The following MYO15A variants were observed in gnomAD, a reference collection of about 807,000 sequenced individuals.
The protein encoded by MYO15A is unconventional myosin-XV.
In MYO15A, 308 loss-of-function variants were observed where a neutral mutation model predicts 394.6. The observed-to-expected ratio is 0.78, with a 90% confidence interval of 0.71 to 0.86. The LOEUF is 0.86. MYO15A is among the 40% of genes least tolerant of loss of function. The probability of loss-of-function intolerance (pLI) is 0.00; values close to 1 mark genes in which losing one functional copy is unlikely to be tolerated. For missense variants in MYO15A, 4,606 were observed against 4,799.1 expected (o/e 0.96, Z 1.19); for synonymous variants, 1,957 against 2,003.8 (o/e 0.98, Z 0.62).
chr17:18,130,690 G>A (rs1410009947), intron 7 of MYO15A, 115 bp from the exon 8 acceptor site: 2 of 1,572,492 alleles, frequency 1.3e-6, no homozygotes, highest in South Asian at 2.3e-5. Flanking sequence ...GTTTTTACTA[G>A]TCCCTCCCTG....
At chr17:18,124,326 C>A in intron 2 of MYO15A, 157 bp from the exon 3 acceptor site, 1 of 731,136 alleles carries the variant, frequency 1.4e-6, no homozygotes, top group African/African-American at 1.7e-5. Context: ...GTTCTGGGGG[C>A]CACAGCATTC....
At chr17:18,170,758 C>G (rs2046928383) in intron 62 of MYO15A, among the ~76,000 whole-genome samples, 1 of 152,206 alleles carries the variant, frequency 6.6e-6, no homozygotes, top group Admixed American at 6.5e-5. Context: ...AAAATAATCA[C>G]TGAGTTCTTA....
chr17:18,144,692 C>G (rs778078588), intron 29 of MYO15A, 100 bp downstream of exon 29: 32 of 1,115,184 alleles, frequency 2.9e-5, no homozygotes, highest in Non-Finnish European at 4.3e-5. Flanking sequence ...AAGCCCAACC[C>G]ATGAGCCCCA....
chr17:18,154,826 G>A (rs2046646450), intron 45 of MYO15A, 71 bp downstream of exon 45: 2 of 1,532,854 alleles, frequency 1.3e-6, no homozygotes, highest in African/African-American at 1.4e-5. Flanking sequence ...GTCCCAGAGG[G>A]AGACTGAGGC....
rs1456570334 is a variant in MYO15A at position 18,112,082 on chromosome 17, A to G, written c.-220+3258A>G. On this transcript the variant is annotated intron_variant, in intron 1 of 65. Coordinates refer to ENST00000647165, the MANE Select transcript of MYO15A (RefSeq NM_016239.4). ...GAGGCAGGACTTGGGCAAGCCCGCT[A>G]GAGAATGGTGGCCTCTCAGCCTTTC... Among the ~76,000 whole-genome samples, 117 of 152,218 alleles carry G rather than the reference A, an allele frequency of 7.7e-4. 3 individuals are homozygous for G. The highest frequency in any genetic ancestry group is 1.3e-4 in the Non-Finnish European group (9 of 68,040).
rs752816535 is a variant in MYO15A, at chr17:18,141,116, G to T, written c.5504G>T (p.Arg1835Leu). The T allele has an allele frequency of 2.2e-5, 35 of 1,613,904 alleles. No individual in the cohort carries two copies. The highest frequency in any genetic ancestry group is 2.9e-5 in the Non-Finnish European group (34 of 1,180,032). ...VRIRKEGFPV[R>L]LPFQGFIDRY... ...ATCCGCAAGGAGGGATTTCCAGTGC[G>T]CCTGCCTTTCCAGGGGTTCATCGAC... Residue 1835 changes from arginine (R) to leucine (L), a missense_variant, in exon 22 of 66, where the codon CGC (arginine) becomes CTC (leucine). By Grantham distance (102) the Arg-to-Leu change is moderately radical. Around this residue, in one of 2 missense-constraint regions of MYO15A, gnomAD observed 2,776 missense variants for 3,109.3 expected, o/e 0.89. Transcript: ENST00000647165.
intron 26 of MYO15A, 29 bp from the exon 27 acceptor site, chr17:18,143,686 T>C (rs1482607477): frequency 6.3e-7 from 1 of 1,576,024 alleles, no homozygotes; most frequent in Non-Finnish European, 8.6e-7. Context: ...GTGGCAGGCC[T>C]GTCCCTGTCC....
In MYO15A at chr17:18,161,002, C is replaced by T. The variant is rs62073603; in HGVS notation, c.9387-315C>T. The T allele has an allele frequency of 0.18, 84,721 of 471,994 alleles. 8,323 individuals carry two copies. Among genetic ancestry groups the T allele is most frequent in the Middle Eastern group, 0.3 (488 of 1,626 alleles). 29.2% of individuals were successfully genotyped at this position (471,994 alleles called of 1,614,324 possible). ...CCTCTACACAGTCTCAGCAGCTTCCCCTTTTCCCAGAAGCCTCCCTAGAGA... is the reference window on the plus strand; with the variant it reads ...CCTCTACACAGTCTCAGCAGCTTCCTCTTTTCCCAGAAGCCTCCCTAGAGA... On this transcript the variant is annotated intron_variant, in intron 56 of 65. Coordinates refer to ENST00000647165, the MANE Select transcript of MYO15A (RefSeq NM_016239.4).
At chr17:18,122,766 A>T in intron 2 of MYO15A, 1 of 256,524 alleles carries the variant, frequency 3.9e-6, no homozygotes, top group East Asian at 8.1e-5. Context: ...GCCAAGCCAG[A>T]TGTGAAACTG....
chr17:18,177,901 C>T (rs2047036614), intron 65 of MYO15A: 1 of 152,274 alleles, frequency 6.6e-6, no homozygotes, highest in African/African-American at 2.4e-5. Context: ...CTGAGAACCA[C>T]ATTCACAGAT....
In MYO15A at chr17:18,148,290, T is replaced by C. The variant is rs2046515982; in HGVS notation, c.6691+80T>C. 6.4e-7 allele frequency: 1 copy of C among 1,574,322 alleles called. No individual in the cohort carries two copies. Among genetic ancestry groups the C allele is most frequent in the Non-Finnish European group, 8.6e-7 (1 of 1,157,970 alleles). Reference sequence around the variant, plus strand: ...GAGCCCCGGGGATGGCAGAAGCCACTGGATGTTCTGGAGCTGGGGAGGGGC... The same window carrying C: ...GAGCCCCGGGGATGGCAGAAGCCACCGGATGTTCTGGAGCTGGGGAGGGGC... On this transcript the variant is annotated intron_variant, in intron 31 of 65. Coordinates refer to ENST00000647165, the MANE Select transcript of MYO15A (RefSeq NM_016239.4). This position sits in a 1 kb window ranked among gnomAD's most constrained non-coding sequence, Gnocchi z 4.8.
chr17:18,143,383 C>T (rs945972186), intron 25 of MYO15A, among the ~76,000 whole-genome samples, 183 bp from the exon 26 acceptor site: 1 of 152,204 alleles, frequency 6.6e-6, no homozygotes, highest in Admixed American at 6.5e-5. Flanking sequence ...TTTCCCTCCC[C>T]TTTTCTCTGG....
rs978516095 is a variant in MYO15A, at chr17:18,121,019, G to T, written c.2219G>T (p.Gly740Val). The change falls in exon 2 of 66, where the codon GGG becomes GTG. Residue 740 changes from glycine (G) to valine (V), a missense_variant. This residue lies in a region of MYO15A where 1,830 missense variants were observed against 1,689.7 expected (regional missense o/e 1.08). Transcript: ENST00000647165. This position sits in a 1 kb window ranked among gnomAD's most constrained non-coding sequence, Gnocchi z 5.3. ...CCCCCCGACCTACTAGCCTTCCCAG[G>T]GCCCCGACCCTCGTTCAGGGGCTCC... ...EVPPDLLAFP[G>V]PRPSFRGSRR... 2 of 1,508,568 alleles carry T rather than the reference G, an allele frequency of 1.3e-6. No individual in the cohort carries two copies. The highest frequency in any genetic ancestry group is 1.4e-5 in the African/African-American group (1 of 69,398). 93.4% of individuals were successfully genotyped at this position (1,508,568 alleles called of 1,614,324 possible). A position where few individuals can be genotyped will look rare whatever the true frequency, so the allele number is the denominator to read the frequency against.
Position 18,162,495 on chromosome 17 carries a change from T to C in MYO15A, c.9518-90T>C, listed in dbSNP as rs561165586. ...CCTTCCCCACAGCTTGTGGAGAGAA[T>C]GCAGTGGGCTCATGGTTGGTGGCAA... On this transcript the variant is annotated intron_variant, in intron 57 of 65. Transcript: ENST00000647165. 1.3e-5 allele frequency: 15 copies of C among 1,126,318 alleles called. No homozygotes were observed. In the African/African-American group the frequency reaches 2.0e-4, roughly 15 times the overall value. The allele number at this position is 1,126,318 out of a possible 1,614,324, so 69.8% of individuals were successfully genotyped here. A position where few individuals can be genotyped will look rare whatever the true frequency, so the allele number is the denominator to read the frequency against.
Position 18,120,899 on chromosome 17 carries a change from A to C in MYO15A, c.2099A>C (p.His700Pro), listed in dbSNP as rs1042721945. The change falls in exon 2 of 66, where the codon CAC becomes CCC. Residue 700 changes from histidine (H) to proline (P), a missense_variant. Transcript: ENST00000647165. ...TCGCCCTACGGCTCCCTCCGCCGCC[A>C]CCCGCCGCCCTGGGCCGCCCCAGCG... Reference protein sequence around the residue: ...PASPYGSLRRHPPPWAAPAHV... With the variant: ...PASPYGSLRRPPPPWAAPAHV... 4.3e-6 allele frequency: 6 copies of C among 1,393,082 alleles called. No individual in the cohort carries two copies. The African/African-American group carries it at 9.3e-5, about 21-fold the overall frequency. The allele number at this position is 1,393,082 out of a possible 1,614,324, so 86.3% of individuals were successfully genotyped here.
intron 58 of MYO15A, 116 bp downstream of exon 58, chr17:18,162,795 T>G (rs962506762): frequency 1.4e-5 from 15 of 1,063,350 alleles, no homozygotes; most frequent in Non-Finnish European, 2.1e-5. Flanking sequence ...AGGTCAGGAG[T>G]TCGAGACCAG....
chr17:18,155,196 G>A lies in MYO15A; in HGVS notation c.8311G>A (p.Val2771Ile), dbSNP rs1334680974. 1.2e-6 allele frequency: 2 copies of A among 1,613,832 alleles called. No individual in the cohort carries two copies. Among genetic ancestry groups the A allele is most frequent in the East Asian group, 4.5e-5 (2 of 44,896 alleles). The stretch of plus-strand genomic sequence containing the variant: ...CAGCACTGCACGAGACACCTGGGAG[G>A]TCTACTTCTCCCGCATCTTCCCCGC... The part of the protein sequence containing the change: ...VVSTARDTWE[V>I]YFSRIFPATG... The change falls in exon 46 of 66, where the codon GTC becomes ATC. Residue 2771 changes from valine (V) to isoleucine (I), a missense_variant. Transcript: ENST00000647165.
At position 18,121,360 on chromosome 17, in the gene MYO15A, T is replaced by C; in HGVS notation, c.2560T>C (p.Cys854Arg). 6.8e-7 allele frequency: 1 copy of C among 1,471,600 alleles called. No individual in the cohort carries two copies. Among genetic ancestry groups the C allele is most frequent in the Non-Finnish European group, 8.9e-7 (1 of 1,118,092 alleles). The allele number at this position is 1,471,600 out of a possible 1,614,324, so 91.2% of individuals were successfully genotyped here. ...PRPPSPPLGL[C>R]HSPRRSSLNL... ...GCCGCCCTCGCCGCCCCTGGGGCTC[T>C]GCCACAGCCCGCGGCGCAGCTCCCT... Residue 854 changes from cysteine to arginine, a missense_variant, in exon 2 of 66, where the codon TGC (cysteine) becomes CGC (arginine). Cys to Arg is a radical substitution (Grantham distance 180). Coordinates refer to ENST00000647165, the MANE Select transcript of MYO15A (RefSeq NM_016239.4). The surrounding 1 kb of genome is among the most constrained non-coding windows in gnomAD (Gnocchi z 5.3).
At chr17:18,135,896 C>T (rs2046258371) in intron 13 of MYO15A, 72 bp downstream of exon 13, 6 of 1,395,028 alleles carry the variant, frequency 4.3e-6, no homozygotes, top group Non-Finnish European at 6.0e-6. Context: ...TTGTGCCGAT[C>T]CTTTGTGGGC....
Sources: allele counts gnomAD v4.1 joint callset (sites outside exome capture counted in the v4.1 genomes callset), GRCh38; gene constraint gnomAD v4.1.1; regional missense constraint gnomAD v4.1.1; non-coding constraint Gnocchi (gnomAD v3.1); transcripts MANE v1.5; gene names NCBI Gene and HGNC (gene_info 2026-07-23, HGNC 2026-07-21).